ROBO2: variants seen among roughly 807,000 people sequenced by gnomAD.
ROBO2 encodes the protein roundabout homolog 2.
A neutral mutation model predicts 160.8 loss-of-function variants in ROBO2; 53 were observed. That is an observed-to-expected ratio of 0.33 (90% CI 0.26 to 0.41). The LOEUF (loss-of-function observed/expected upper bound fraction) is 0.41, where lower values mean the gene tolerates loss of function less well. Ranked by LOEUF, ROBO2 falls within the 10% of genes least tolerant of loss-of-function variation. The pLI is 1.00. For synonymous variants in ROBO2, 664 were observed against 611.7 expected, an observed-to-expected ratio of 1.09 and a Z score of -1.26; for missense variants, 1,577 against 1,722.4, an observed-to-expected ratio of 0.92 and a Z score of 1.49.
chr3:76,154,612 G>A (rs541005477), intron 2 of ROBO2, among the ~76,000 whole-genome samples: 1 of 152,190 alleles, frequency 6.6e-6, no homozygotes, highest in South Asian at 2.1e-4. Flanking sequence ...CGGAGGAATT[G>A]AGATTTGAGT....
chr3:77,013,638 C>A (rs1402295031), intron 2 of ROBO2, among the ~76,000 whole-genome samples: 1 of 150,824 alleles, frequency 6.6e-6, no homozygotes, highest in Non-Finnish European at 1.5e-5. Flanking sequence ...TGTCTATATC[C>A]CCAGTAAGAA....
chr3:76,171,700 T>C (rs988370903), intron 2 of ROBO2, among the ~76,000 whole-genome samples: 1 of 152,028 alleles, frequency 6.6e-6, no homozygotes, highest in Non-Finnish European at 1.5e-5. Context: ...CCTTTTTTTT[T>C]AGGTAGGAGA....
chr3:76,540,826 G>A (rs141267312), intron 2 of ROBO2, among the ~76,000 whole-genome samples: 3,850 of 152,058 alleles, frequency 0.025, 135 homozygotes, highest in African/African-American at 0.08. Flanking sequence ...TTGACAAAGA[G>A]TCTTGCTCTG....
At chr3:76,056,517 A>AAC (rs1553728867) in intron 2 of ROBO2, among the ~76,000 whole-genome samples, 44 of 151,112 alleles carry the variant, frequency 2.9e-4, no homozygotes, top group Admixed American at 7.9e-4. Context: ...AAGAAAAAAA[A>AAC]CCCATTCACT....
intron 2 of ROBO2, among the ~76,000 whole-genome samples, chr3:77,343,079 AG>A (rs1458349723): frequency 0.034 from 4,453 of 132,002 alleles, 246 homozygotes; most frequent in African/African-American, 0.11. Flanking sequence ...AGAGAGAGAG[AG>A]AGAGAGAACT....
chr3:76,976,168 T>TA (rs1335334061), intron 2 of ROBO2, among the ~76,000 whole-genome samples: 4 of 152,310 alleles, frequency 2.6e-5, no homozygotes, highest in Admixed American at 2.0e-4. Flanking sequence ...AAGTAGAAAC[T>TA]AAAAAATGGA....
chr3:77,289,488 A>G (rs1311839612), intron 2 of ROBO2, among the ~76,000 whole-genome samples: 26 of 152,022 alleles, frequency 1.7e-4, no homozygotes, highest in Non-Finnish European at 3.4e-4. Context: ...AGCACTAAAG[A>G]TATAAAGTAA....
At chr3:76,547,482 T>C (rs2083173534) in intron 2 of ROBO2, among the ~76,000 whole-genome samples, 2 of 152,134 alleles carry the variant, frequency 1.3e-5, no homozygotes, top group African/African-American at 4.8e-5. Flanking sequence ...CTGCTGATGA[T>C]AGAAAATATC....
intron 2 of ROBO2, among the ~76,000 whole-genome samples, chr3:76,772,309 G>A (rs571830877): frequency 4.6e-4 from 70 of 150,692 alleles, no homozygotes; most frequent in Non-Finnish European, 8.8e-4. Context: ...TTCTCAATAT[G>A]TTTTAAAAAA....
At chr3:76,553,815 A>G (rs2083555082) in intron 2 of ROBO2, among the ~76,000 whole-genome samples, 1 of 152,118 alleles carries the variant, frequency 6.6e-6, no homozygotes, top group East Asian at 1.9e-4. Flanking sequence ...TAAAAGTTCT[A>G]TTTTCTGCTC....
At chr3:76,486,043 C>T (rs2107435439) in intron 2 of ROBO2, among the ~76,000 whole-genome samples, 1 of 152,316 alleles carries the variant, frequency 6.6e-6, no homozygotes, top group East Asian at 1.9e-4. Flanking sequence ...AGCAAGCCAT[C>T]TTCACCTCCA....
At chr3:76,478,410 T>G (rs2079045186) in intron 2 of ROBO2, among the ~76,000 whole-genome samples, 1 of 151,654 alleles carries the variant, frequency 6.6e-6, no homozygotes, top group African/African-American at 2.4e-5. Flanking sequence ...TGCCACATTT[T>G]CTTAATCCAG....
At chr3:76,217,497 C>A (rs1293740329) in intron 2 of ROBO2, among the ~76,000 whole-genome samples, 1 of 152,160 alleles carries the variant, frequency 6.6e-6, no homozygotes, top group Admixed American at 6.5e-5. Context: ...ACCGATCCCA[C>A]AGAAATACAA....
intron 6 of ROBO2, among the ~76,000 whole-genome samples, chr3:77,529,489 T>C (rs2091462474): frequency 6.6e-6 from 1 of 151,734 alleles, no homozygotes; most frequent in Non-Finnish European, 1.5e-5. Flanking sequence ...CAGATCTTTG[T>C]ACACAGAAAC....
At chr3:75,929,802 C>G (rs1240310102) in intron 1 of ROBO2, among the ~76,000 whole-genome samples, 1 of 151,846 alleles carries the variant, frequency 6.6e-6, no homozygotes, top group Non-Finnish European at 1.5e-5. Context: ...TCAAGTGATT[C>G]TCCTGCCTCA....
intron 2 of ROBO2, among the ~76,000 whole-genome samples, chr3:77,206,262 C>T (rs982599611): frequency 6.6e-6 from 1 of 152,058 alleles, no homozygotes; most frequent in East Asian, 1.9e-4. Flanking sequence ...CTCCACCTCC[C>T]GGGTTCAAGC....
At chr3:77,351,863 C>G (rs1484930014) in intron 2 of ROBO2, among the ~76,000 whole-genome samples, 1 of 151,052 alleles carries the variant, frequency 6.6e-6, no homozygotes, top group South Asian at 2.1e-4. Flanking sequence ...AACCAAACAC[C>G]TCATGTTCTC....
chr3:77,612,969 A>C (rs535532247), intron 21 of ROBO2, among the ~76,000 whole-genome samples: 1 of 152,294 alleles, frequency 6.6e-6, no homozygotes, highest in Admixed American at 6.5e-5. Flanking sequence ...AAAGAAAAAA[A>C]ATAGAAAAAT....
chr3:77,149,528 C>A (rs1327829225), intron 2 of ROBO2, among the ~76,000 whole-genome samples: 1 of 152,100 alleles, frequency 6.6e-6, no homozygotes, highest in Admixed American at 6.5e-5. Flanking sequence ...GAGTTCAGTA[C>A]TTGTCAAGTG....
Sources: allele counts gnomAD v4.1 joint callset (sites outside exome capture counted in the v4.1 genomes callset), GRCh38; gene constraint gnomAD v4.1.1; transcripts MANE v1.5; gene names NCBI Gene and HGNC (gene_info 2026-07-23, HGNC 2026-07-21).